Variants in GET1 observed in about 807,000 individuals in gnomAD.
The protein encoded by GET1 is guided entry of tail-anchored proteins factor 1, also known as congenital heart disease 5 protein.
A neutral mutation model predicts 22.6 loss-of-function variants in GET1; 20 were observed. The observed-to-expected ratio is 0.89, with a 90% CI of 0.62 to 1.29. The LOEUF is 1.29. Among genes scored for constraint, GET1 ranks in the 50% most tolerant of loss-of-function variants. The pLI is 0.00. For missense variants in GET1, 209 were observed against 219.9 expected (o/e 0.95, Z 0.31); for synonymous variants, 92 against 83.8 (o/e 1.10, Z -0.53).
intron 1 of GET1, chr21:39,413,774 A>G (rs1255159871): frequency 6.6e-6 from 1 of 152,192 alleles, no homozygotes; most frequent in East Asian, 1.9e-4. Flanking sequence ...ATGAGTTTTC[A>G]TCCACACTGG....
chr21:39,409,963 A>G, downstream of GET1: 2 of 1,321,700 alleles, frequency 1.5e-6, no homozygotes. This position sits in a 1 kb window ranked among gnomAD's most constrained non-coding sequence, Gnocchi z 4.2. Context: ...GATAGACTTT[A>G]AAGAGTTAAA....
At chr21:39,407,388 G>A (rs2039258606), downstream of GET1, among the ~76,000 whole-genome samples, 1 of 152,194 alleles carries the variant, frequency 6.6e-6, no homozygotes, top group African/African-American at 2.4e-5. Flanking sequence ...TGTTGGTACA[G>A]CATTTTTGGA....
intron 1 of GET1, among the ~76,000 whole-genome samples, chr21:39,389,416 G>C (rs1292162401): frequency 6.6e-6 from 1 of 152,116 alleles, no homozygotes; most frequent in Non-Finnish European, 1.5e-5. Flanking sequence ...AGAGTGTTAG[G>C]GTTGCAGGCC....
Position 39,380,345 on chromosome 21 carries a change from A to T in GET1, c.-40A>T. Reference sequence around the variant, plus strand: ...GCCGCTGTTGTTGTGGTCCCCATGGAGCTGCCGTAGCGGACCCAGCACAGC... The same window carrying T: ...GCCGCTGTTGTTGTGGTCCCCATGGTGCTGCCGTAGCGGACCCAGCACAGC... On this transcript the variant is annotated 5_prime_UTR_variant, in exon 1 of 5. Coordinates refer to ENST00000649170, the MANE Select transcript of GET1 (RefSeq NM_004627.6). 6.4e-7 allele frequency: 1 copy of T among 1,565,296 alleles called. No homozygotes were observed.
At chr21:39,422,798 T>C (rs1403054808) in intron 1 of GET1, 1 of 619,070 alleles carries the variant, frequency 1.6e-6, no homozygotes, top group Non-Finnish European at 2.8e-6. Flanking sequence ...GCTTCTGTTT[T>C]TCCTTCAAAC....
intron 1 of GET1, among the ~76,000 whole-genome samples, chr21:39,381,282 C>T (rs533933548): frequency 5.9e-5 from 9 of 152,230 alleles, no homozygotes; most frequent in African/African-American, 2.2e-4. Context: ...AATGAGCGCC[C>T]TCCGTATGCC....
chr21:39,424,710 C>A (rs1024245452), intron 1 of GET1, among the ~76,000 whole-genome samples: 3 of 152,130 alleles, frequency 2.0e-5, no homozygotes, highest in African/African-American at 7.2e-5. Flanking sequence ...TATACAGATA[C>A]CGATTTTCCA....
intron 1 of GET1, among the ~76,000 whole-genome samples, chr21:39,383,430 C>T (rs913778298): frequency 1.6e-4 from 24 of 149,428 alleles, no homozygotes; most frequent in African/African-American, 4.2e-4. Flanking sequence ...TACAGGTGCC[C>T]GCCACTATGC....
chr21:39,385,176 G>T (rs2037804135), intron 1 of GET1, among the ~76,000 whole-genome samples: 1 of 152,134 alleles, frequency 6.6e-6, no homozygotes, highest in Non-Finnish European at 1.5e-5. Context: ...TCAGGGATGG[G>T]GCCGCGCTCA....
intron 1 of GET1, among the ~76,000 whole-genome samples, chr21:39,387,010 C>G (rs935668238): frequency 3.9e-5 from 6 of 152,204 alleles, no homozygotes; most frequent in African/African-American, 1.4e-4. Flanking sequence ...CAGGCGTGCA[C>G]CACCACACCT....
intron 1 of GET1, among the ~76,000 whole-genome samples, chr21:39,415,721 T>C (rs376519647): frequency 2.0e-5 from 3 of 152,238 alleles, no homozygotes; most frequent in African/African-American, 7.2e-5. Context: ...GACTGATTAA[T>C]ATATCTCTTA....
Position 39,380,487 on chromosome 21 carries a change from G to A in GET1, c.102+1G>A. The A allele has an allele frequency of 6.2e-7, 1 of 1,609,834 alleles. No homozygotes were observed. On this transcript the variant is annotated splice_donor_variant, in intron 1 of 4. Transcript: ENST00000649170. LOFTEE classifies it high-confidence loss of function. ...CCTCCTCCCGTCCTTCTCATCCTTC[G>A]TAAGTGGCTGCCTGGCCTCCCAAGG...
chr21:39,410,686 A>G (rs2039938848), downstream of GET1, among the ~76,000 whole-genome samples: 1 of 152,182 alleles, frequency 6.6e-6, no homozygotes. Context: ...AGGCCAGGCC[A>G]CCGAGCTATC....
At chr21:39,423,565 T>C in intron 1 of GET1, 2 of 1,311,706 alleles carry the variant, frequency 1.5e-6, no homozygotes, top group East Asian at 2.4e-5. Flanking sequence ...GCATAATCTC[T>C]CTCCCATGCC....
At chr21:39,404,434 A>G (rs1443128405) in intron 4 of GET1, among the ~76,000 whole-genome samples, 3 of 152,240 alleles carry the variant, frequency 2.0e-5, no homozygotes, top group Admixed American at 6.5e-5. Context: ...GGTTAGCTGA[A>G]TAAGAGAAAC....
In GET1 at chr21:39,396,895, G is replaced by C; in HGVS notation, c.481G>C (p.Val161Leu). 1 of 1,614,032 alleles carries C rather than the reference G, an allele frequency of 6.2e-7. No individual in the cohort carries two copies. Among genetic ancestry groups the C allele is most frequent in the Non-Finnish European group, 8.5e-7 (1 of 1,180,024 alleles). ...GGVGITCWILVCNKVVAIVLH... is the reference protein window; with the variant it reads ...GGVGITCWILLCNKVVAIVLH... Reference sequence around the variant, plus strand: ...TGTTGGAATTACCTGTTGGATTTTAGTCTGTAACAAAGTTGTCGCTATTGT... The same window carrying C: ...TGTTGGAATTACCTGTTGGATTTTACTCTGTAACAAAGTTGTCGCTATTGT... Residue 161 changes from valine (V) to leucine (L), a missense_variant, in exon 5 of 5, where the codon GTC becomes CTC. Physicochemically the swap from Val to Leu is conservative, Grantham distance 32. Transcript: ENST00000649170.
downstream of GET1, among the ~76,000 whole-genome samples, chr21:39,399,019 C>T (rs1316959601): frequency 1.3e-5 from 2 of 152,250 alleles, no homozygotes; most frequent in East Asian, 3.8e-4. Flanking sequence ...GGATTACAGG[C>T]GCAAGCCACC....
chr21:39,399,370 G>T (rs541783886), downstream of GET1, among the ~76,000 whole-genome samples: 1 of 152,122 alleles, frequency 6.6e-6, no homozygotes, highest in African/African-American at 2.4e-5. Context: ...GGTGACTGGC[G>T]TTAGCATCTG....
intron 4 of GET1, among the ~76,000 whole-genome samples, chr21:39,395,738 CTTTG>C (rs372239056): frequency 9.4e-4 from 143 of 152,282 alleles, no homozygotes; most frequent in African/African-American, 3.4e-3. Flanking sequence ...TTCCCCTCTC[CTTTG>C]TTTGACACAG....
Sources: gnomAD v4.1 joint callset for allele counts (sites outside exome capture counted in the v4.1 genomes callset) on GRCh38, gnomAD v4.1.1 for gene constraint, Gnocchi (gnomAD v3.1) non-coding constraint, MANE v1.5 for transcripts, NCBI Gene and HGNC (gene_info 2026-07-23, HGNC 2026-07-21) for gene names.